TTC4: variants seen among roughly 807,000 people sequenced by gnomAD.
TTC4 encodes the protein tetratricopeptide repeat domain 4.
Under a neutral mutation model 51.9 loss-of-function variants are expected in TTC4, and 36 were observed. The ratio of observed to expected loss-of-function variants is 0.69; its 90% CI spans 0.53 to 0.92. The LOEUF is 0.92. Among genes scored for constraint, TTC4 ranks in the 40% least tolerant of loss-of-function variants. The pLI is 0.00. For missense variants in TTC4, 399 were observed against 454.6 expected (o/e 0.88, Z 1.11); for synonymous variants, 144 against 164.2 (o/e 0.88, Z 0.94).
intron 5 of TTC4, among the ~76,000 whole-genome samples, chr1:54,727,613 A>T (rs1200196033): frequency 6.8e-6 from 1 of 148,066 alleles, no homozygotes; most frequent in Non-Finnish European, 1.5e-5. Context: ...GCATTTTGGG[A>T]GGCCAGGGCA....
At chr1:54,736,222 GAAGAGGAGAGGAGAGAGAAGAGA>G (rs1557752959) in intron 8 of TTC4, among the ~76,000 whole-genome samples, 1,387 of 120,158 alleles carry the variant, frequency 0.012, 67 homozygotes, top group South Asian at 0.029. Context: ...GAGAGAGAGA[GAAGAGGAGAGGAGAGAGAAGAGA>G]GGAGAGAGGA....
chr1:54,741,399 T>C lies in TTC4; in HGVS notation c.1062-12T>C. The C allele has an allele frequency of 6.2e-7, 1 of 1,608,670 alleles. No homozygotes were observed. The highest frequency in any genetic ancestry group is 8.5e-7 in the Non-Finnish European group (1 of 1,174,966). ...TAAATTAACACCCTCTCTTTTGTTG[T>C]GTTCACGGCAGGTACTTTGTAAAAG... is the stretch of plus-strand genomic sequence containing the variant. On this transcript the variant is annotated splice_polypyrimidine_tract_variant and intron_variant, in intron 9 of 9. Coordinates refer to ENST00000371281, the MANE Select transcript of TTC4 (RefSeq NM_004623.5).
chr1:54,716,084 C>T lies in TTC4; in HGVS notation c.111+65C>T, dbSNP rs928083833. 5 of 1,285,818 alleles carry T rather than the reference C, an allele frequency of 3.9e-6. No homozygotes were observed. The African/African-American group carries it at 5.9e-5, about 15-fold the overall frequency. The allele number at this position is 1,285,818 out of a possible 1,614,324, so 79.7% of individuals were successfully genotyped here. A position where few individuals can be genotyped will look rare whatever the true frequency, so the allele number is the denominator to read the frequency against. ...CGTCCGGACTCGTGGGGCACCCGGG[C>T]TCTGGGGCACCTCCTTCAATCCCAG... On this transcript the variant is annotated intron_variant, in intron 1 of 9. Coordinates refer to ENST00000371281, the MANE Select transcript of TTC4 (RefSeq NM_004623.5).
chr1:54,735,719 C>T (rs536567642), intron 8 of TTC4, among the ~76,000 whole-genome samples: 1 of 152,268 alleles, frequency 6.6e-6, no homozygotes, highest in East Asian at 1.9e-4. Flanking sequence ...TAGGGAGATG[C>T]TTTGAAATGG....
intron 1 of TTC4, chr1:54,716,227 A>T (rs934642961): frequency 1.0e-5 from 6 of 580,148 alleles, no homozygotes; most frequent in Non-Finnish European, 1.9e-5. Flanking sequence ...CTGTGACTCC[A>T]CCACTTAACT....
chr1:54,739,017 T>G (rs1199923455), intron 9 of TTC4, among the ~76,000 whole-genome samples: 1 of 150,862 alleles, frequency 6.6e-6, no homozygotes, highest in Non-Finnish European at 1.5e-5. Flanking sequence ...CTTTCTTTTG[T>G]TTGCTTTTTC....
At chr1:54,733,773 T>C in intron 8 of TTC4, 63 bp downstream of exon 8, 1 of 744,476 alleles carries the variant, frequency 1.3e-6, no homozygotes, top group Non-Finnish European at 2.0e-6. Flanking sequence ...TTTTTTTTTT[T>C]GCGGCGGGGG....
chr1:54,736,185 A>AGGGG (rs1645931963), intron 8 of TTC4, among the ~76,000 whole-genome samples: 2 of 34,040 alleles, frequency 5.9e-5, no homozygotes, highest in African/African-American at 2.6e-4. Flanking sequence ...GGAGAGAGAG[A>AGGGG]GAGAGAGAGA....
At chr1:54,722,552 C>A in intron 4 of TTC4, 123 bp from the exon 5 acceptor site, 1 of 1,369,470 alleles carries the variant, frequency 7.3e-7, no homozygotes. Flanking sequence ...GTATAAGGGG[C>A]ATTATCCTCC....
rs1341210987 is a variant in TTC4 at position 54,728,351 on chromosome 1, T to C, written c.600T>C (p.Ile200=). 4.3e-6 allele frequency: 7 copies of C among 1,612,158 alleles called. No homozygotes were observed. The highest frequency in any genetic ancestry group is 5.9e-6 in the Non-Finnish European group (7 of 1,178,788). The stretch of plus-strand genomic sequence containing the variant: ...CATCTAAATTTCATTTTTAGCGAAT[T>C]GAACAGAGGGATGTGAGGAAAGCCA... ...MRAKADKLKR[I]EQRDVRKANL... The change falls in exon 6 of 10, where the codon ATT becomes ATC. Residue 200 remains isoleucine (I), a synonymous_variant. Transcript: ENST00000371281.
At chr1:54,728,224 G>A in intron 5 of TTC4, 122 bp from the exon 6 acceptor site, 3 of 774,818 alleles carry the variant, frequency 3.9e-6, no homozygotes, top group Non-Finnish European at 6.1e-6. Context: ...CTGGCCACTG[G>A]TATTCCTTAA....
In TTC4 at chr1:54,722,725, T is replaced by C. The variant is rs766623667; in HGVS notation, c.520T>C (p.Cys174Arg). Residue 174 changes from cysteine to arginine, a missense_variant, in exon 5 of 10, where the codon TGT becomes CGT. Transcript: ENST00000371281. ...LKHFAEAVNW[C>R]DEGLQIDAKE... ...ACACTTTGCCGAGGCCGTGAACTGGTGTGATGAGGGACTGCAAATAGATGC... is the reference window on the plus strand; with the variant it reads ...ACACTTTGCCGAGGCCGTGAACTGGCGTGATGAGGGACTGCAAATAGATGC... 6.2e-7 allele frequency: 1 copy of C among 1,613,698 alleles called. No homozygotes were observed. The highest frequency in any genetic ancestry group is 8.5e-7 in the Non-Finnish European group (1 of 1,179,894).
At chr1:54,716,793 T>C in intron 2 of TTC4, 76 bp downstream of exon 2, 2 of 1,196,806 alleles carry the variant, frequency 1.7e-6, no homozygotes, top group African/African-American at 1.5e-5. Context: ...GCGTTCTGAT[T>C]GATAACAAGA....
chr1:54,737,682 G>T lies in TTC4; in HGVS notation c.1061+18G>T. On this transcript the variant is annotated intron_variant, in intron 9 of 9. Transcript: ENST00000371281. Reference sequence around the variant, plus strand: ...CACCAGAGGTGAGTCATCTCATGGCGCTGAGTAGATTGGGGAAGATGCTCA... The same window carrying T: ...CACCAGAGGTGAGTCATCTCATGGCTCTGAGTAGATTGGGGAAGATGCTCA... 1 of 1,609,926 alleles carries T rather than the reference G, an allele frequency of 6.2e-7. No homozygotes were observed. The highest frequency in any genetic ancestry group is 8.5e-7 in the Non-Finnish European group (1 of 1,178,684).
At chr1:54,733,816 G>A in intron 8 of TTC4, 106 bp downstream of exon 8, 1 of 701,098 alleles carries the variant, frequency 1.4e-6, no homozygotes, top group South Asian at 2.0e-5. Context: ...GAAAATTATA[G>A]TAAAATATAC....
chr1:54,732,669 AG>A (rs1557750471), intron 7 of TTC4, among the ~76,000 whole-genome samples: 1 of 151,910 alleles, frequency 6.6e-6, no homozygotes, highest in East Asian at 2.0e-4. Flanking sequence ...TATGTTGCCC[AG>A]GCTTGTCTTG....
At chr1:54,736,223 A>AAGAGG (rs1475934611) in intron 8 of TTC4, among the ~76,000 whole-genome samples, 2 of 87,738 alleles carry the variant, frequency 2.3e-5, no homozygotes, top group African/African-American at 5.6e-5. Context: ...AGAGAGAGAG[A>AAGAGG]AGAGGAGAGG....
At chr1:54,719,791 TC>T (rs1360672766) in intron 3 of TTC4, among the ~76,000 whole-genome samples, 2 of 152,228 alleles carry the variant, frequency 1.3e-5, no homozygotes, top group Non-Finnish European at 2.9e-5. Context: ...ATAATATTTT[TC>T]TGATAATTCT....
chr1:54,737,861 C>A (rs1249330574), intron 9 of TTC4, among the ~76,000 whole-genome samples, 197 bp downstream of exon 9: 29 of 152,308 alleles, frequency 1.9e-4, no homozygotes, highest in Non-Finnish European at 1.5e-4. Context: ...TCACCTCTTA[C>A]GTGGATGGCG....
Sources: gnomAD v4.1 joint callset for allele counts (sites outside exome capture counted in the v4.1 genomes callset) on GRCh38, gnomAD v4.1.1 for gene constraint, MANE v1.5 for transcripts, NCBI Gene and HGNC (gene_info 2026-07-23, HGNC 2026-07-21) for gene names.